The following CSMD1 variants were observed in gnomAD, a reference collection of about 807,000 sequenced individuals.
CSMD1 encodes the protein CUB and sushi domain-containing protein 1.
Under a neutral mutation model 417.5 loss-of-function variants are expected in CSMD1, and 213 were observed. The observed-to-expected ratio is 0.51, with a 90% confidence interval of 0.46 to 0.57. The LOEUF is 0.57. Ranked by LOEUF, CSMD1 falls within the 20% of genes least tolerant of loss-of-function variation. CSMD1 has a pLI of 0.00. For missense variants in CSMD1, 6,923 were observed against 4,529.7 expected, an observed-to-expected ratio of 1.53 and a Z score of -15.17; for synonymous variants, 2,862 against 1,736.8, an observed-to-expected ratio of 1.65 and a Z score of -16.11.
rs75020411 is a variant in CSMD1, at chr8:4,098,932, C to G, written c.416-66833G>C. On this transcript the variant is annotated intron_variant, in intron 3 of 69. Coordinates refer to ENST00000635120, the MANE Select transcript of CSMD1 (RefSeq NM_033225.6). ...ACCAGTATTAGAGACTGGGGTACAA[C>G]ACAGAAAAAATGTTAAAACTGTTTT... Among the ~76,000 whole-genome samples, 865 of 152,190 alleles carry G rather than the reference C, an allele frequency of 5.7e-3. 8 individuals carry two copies. Among genetic ancestry groups the G allele is most frequent in the African/African-American group, 0.019 (785 of 41,536 alleles).
At chr8:3,357,738 G>T (rs969807252) in intron 21 of CSMD1, among the ~76,000 whole-genome samples, 1 of 152,046 alleles carries the variant, frequency 6.6e-6, no homozygotes, top group African/African-American at 2.4e-5. Flanking sequence ...CCAATTCTGG[G>T]AACTCCTATG....
chr8:3,868,536 C>A lies in CSMD1; in HGVS notation c.819-114494G>T, dbSNP rs1268007041. On this transcript the variant is annotated intron_variant, in intron 5 of 69. Coordinates refer to ENST00000635120, the MANE Select transcript of CSMD1 (RefSeq NM_033225.6). Reference sequence around the variant, plus strand: ...AACACCACCAATTCCCAAATGCGTACCTGCAGCCTGAACCCTGTTCTGAAA... The same window carrying A: ...AACACCACCAATTCCCAAATGCGTAACTGCAGCCTGAACCCTGTTCTGAAA... Among the ~76,000 whole-genome samples the A allele has an allele frequency of 2.6e-5, 4 of 152,138 alleles. No homozygotes were observed. In the East Asian group the frequency reaches 5.8e-4, roughly 22 times the overall value.
At chr8:3,162,302 G>C (rs376556566) in intron 37 of CSMD1, 25 bp from the exon 38 acceptor site, 24 of 1,376,676 alleles carry the variant, frequency 1.7e-5, no homozygotes, top group Admixed American at 1.1e-4. Flanking sequence ...ACAAATGCTA[G>C]AAATTATATG....
chr8:3,974,610 C>G (rs1210981205), intron 5 of CSMD1, among the ~76,000 whole-genome samples: 1 of 151,724 alleles, frequency 6.6e-6, no homozygotes, highest in Non-Finnish European at 1.5e-5. Flanking sequence ...CTTGTTTTTA[C>G]TAAACATTCA....
intron 2 of CSMD1, among the ~76,000 whole-genome samples, chr8:4,527,169 T>C (rs1796556412): frequency 6.6e-6 from 1 of 152,154 alleles, no homozygotes; most frequent in African/African-American, 2.4e-5. Context: ...TAAGTGCACA[T>C]ATAATTCTTC....
intron 5 of CSMD1, among the ~76,000 whole-genome samples, chr8:3,875,029 G>T (rs143139091): frequency 6.6e-5 from 10 of 152,258 alleles, no homozygotes; most frequent in Middle Eastern, 3.4e-3. Flanking sequence ...CAAGCACAAA[G>T]GCTGGCATGA....
chr8:3,470,116 T>C (rs1014632457), intron 11 of CSMD1, among the ~76,000 whole-genome samples: 1 of 152,160 alleles, frequency 6.6e-6, no homozygotes, highest in African/African-American at 2.4e-5. Flanking sequence ...TTCTTGTACC[T>C]TCTCCCAGTC....
intron 25 of CSMD1, among the ~76,000 whole-genome samples, chr8:3,296,312 G>A (rs959095909): frequency 1.7e-4 from 26 of 151,718 alleles, no homozygotes; most frequent in Admixed American, 4.6e-4. Context: ...GGGGCATACC[G>A]TCCGCATTTG....
intron 6 of CSMD1, among the ~76,000 whole-genome samples, chr8:3,742,521 A>C (rs1430687373): frequency 6.6e-6 from 1 of 152,194 alleles, no homozygotes; most frequent in African/African-American, 2.4e-5. Context: ...TTGGCACTGC[A>C]CTGAAAATAA....
At chr8:4,174,223 C>T (rs896040935) in intron 3 of CSMD1, among the ~76,000 whole-genome samples, 3 of 152,092 alleles carry the variant, frequency 2.0e-5, no homozygotes, top group Non-Finnish European at 2.9e-5. Flanking sequence ...TGTGAGGACA[C>T]CGTCTTGAAA....
At chr8:4,296,814 T>C (rs1797713209) in intron 3 of CSMD1, among the ~76,000 whole-genome samples, 1 of 151,830 alleles carries the variant, frequency 6.6e-6, no homozygotes, top group Admixed American at 6.6e-5. Context: ...GTGATTATTG[T>C]ATTCATCTGA....
chr8:2,939,853 T>C (rs1801742061), intron 69 of CSMD1, among the ~76,000 whole-genome samples: 1 of 152,198 alleles, frequency 6.6e-6, no homozygotes, highest in Non-Finnish European at 1.5e-5. Flanking sequence ...CAGCCCCTCG[T>C]CAATGAAGTG....
intron 26 of CSMD1, among the ~76,000 whole-genome samples, chr8:3,271,250 A>C (rs956430410): frequency 1.3e-5 from 2 of 152,138 alleles, no homozygotes; most frequent in South Asian, 4.2e-4. Flanking sequence ...CCTACAAAGC[A>C]CATGAACTCA....
At chr8:2,958,079 G>T (rs1011272189) in intron 62 of CSMD1, among the ~76,000 whole-genome samples, 3 of 152,080 alleles carry the variant, frequency 2.0e-5, no homozygotes, top group African/African-American at 7.2e-5. Flanking sequence ...CTGTTTTAGA[G>T]TTCTTTCTTT....
chr8:3,621,069 T>C (rs1395893061), intron 7 of CSMD1, among the ~76,000 whole-genome samples: 1 of 152,186 alleles, frequency 6.6e-6, no homozygotes, highest in African/African-American at 2.4e-5. Flanking sequence ...AAAGTCCATG[T>C]GAAGACACAA....
chr8:4,255,150 G>C (rs1347874556), intron 3 of CSMD1, among the ~76,000 whole-genome samples: 1 of 152,152 alleles, frequency 6.6e-6, no homozygotes, highest in East Asian at 1.9e-4. Flanking sequence ...TAAAAGAGAT[G>C]ATACATAGAG....
intron 10 of CSMD1, among the ~76,000 whole-genome samples, chr8:3,503,177 A>G (rs1357734188): frequency 6.6e-6 from 1 of 152,236 alleles, no homozygotes; most frequent in Admixed American, 6.5e-5. Flanking sequence ...AGAAAAAAGT[A>G]CTTTGAACAC....
intron 2 of CSMD1, among the ~76,000 whole-genome samples, chr8:4,438,327 T>G (rs912395045): frequency 6.6e-6 from 1 of 152,302 alleles, no homozygotes; most frequent in African/African-American, 2.4e-5. Flanking sequence ...CAGCACCAAA[T>G]CTCCAGTCTC....
In CSMD1 at chr8:3,884,530, G is replaced by T. The variant is rs1295315867; in HGVS notation, c.818+113373C>A. 1.3e-5 allele frequency among the ~76,000 whole-genome samples: 2 copies of T among 152,144 alleles called. 1 individual carries two copies. The highest frequency in any genetic ancestry group is 1.3e-4 in the Admixed American group (2 of 15,270). On this transcript the variant is annotated intron_variant, in intron 5 of 69. Transcript: ENST00000635120. ...TCTCCTCCTTCGGGGTCCCAACACT[G>T]CAGTCACTCAGGACTCTGATATACC... is the stretch of plus-strand genomic sequence containing the variant.
Sources: gnomAD v4.1 joint callset for allele counts (sites outside exome capture counted in the v4.1 genomes callset) on GRCh38, gnomAD v4.1.1 for gene constraint, MANE v1.5 for transcripts, NCBI Gene and HGNC (gene_info 2026-07-23, HGNC 2026-07-21) for gene names.